Variants in ZNF704 observed in about 807,000 individuals in gnomAD.
ZNF704 encodes the protein glucocorticoid induced gene 1.
ZNF704 carries 10 observed loss-of-function variants against 44.7 expected under a neutral mutation model. The ratio of observed to expected loss-of-function variants is 0.22; its 90% CI spans 0.14 to 0.38. The LOEUF is 0.38. Ranked by LOEUF, ZNF704 falls within the 10% of genes least tolerant of loss-of-function variation. ZNF704 has a pLI of 1.00. For missense variants in ZNF704, 390 were observed against 545.5 expected, an observed-to-expected ratio of 0.71 and a Z score of 2.84; for synonymous variants, 211 against 207.6, an observed-to-expected ratio of 1.02 and a Z score of -0.14.
Position 80,641,085 on chromosome 8 carries a change from C to G in ZNF704, c.*281G>C, listed in dbSNP as rs1056575657. On this transcript the variant is annotated 3_prime_UTR_variant, in exon 9 of 9. Transcript: ENST00000327835. ...GCTACAGAAGTCCACAGTTTTAAGTCTAGACATACAGCAAAAAAAGTTGAC... is the reference window on the plus strand; with the variant it reads ...GCTACAGAAGTCCACAGTTTTAAGTGTAGACATACAGCAAAAAAAGTTGAC... 4 of 232,402 alleles carry G rather than the reference C, an allele frequency of 1.7e-5. No homozygotes were observed. Among genetic ancestry groups the G allele is most frequent in the African/African-American group, 9.0e-5 (4 of 44,426 alleles). The allele number at this position is 232,402 out of a possible 1,614,324, so 14.4% of individuals were successfully genotyped here.
chr8:80,730,742 C>T (rs866612330), intron 2 of ZNF704, among the ~76,000 whole-genome samples: 7 of 151,612 alleles, frequency 4.6e-5, no homozygotes, highest in Admixed American at 6.6e-5. Context: ...TAAACTTTGC[C>T]CTGGTTTAGT....
At chr8:80,813,565 C>G (rs1209647167) in intron 2 of ZNF704, among the ~76,000 whole-genome samples, 1 of 152,100 alleles carries the variant, frequency 6.6e-6, no homozygotes, top group Non-Finnish European at 1.5e-5. Flanking sequence ...ATAAAACAAG[C>G]TTGCCTAAGC....
At chr8:80,738,983 T>C (rs1585992382) in intron 2 of ZNF704, among the ~76,000 whole-genome samples, 1 of 151,916 alleles carries the variant, frequency 6.6e-6, no homozygotes, top group African/African-American at 2.4e-5. Flanking sequence ...GCTAGAAGGG[T>C]AGGACAAGCA....
intron 7 of ZNF704, among the ~76,000 whole-genome samples, chr8:80,649,973 G>A (rs976102222): frequency 3.3e-5 from 5 of 152,182 alleles, no homozygotes; most frequent in Admixed American, 6.5e-5. Flanking sequence ...AACTTCCAGA[G>A]GAACGATCAG....
chr8:80,836,621 T>C (rs965312071), intron 1 of ZNF704, among the ~76,000 whole-genome samples: 9 of 151,710 alleles, frequency 5.9e-5, no homozygotes, highest in African/African-American at 2.2e-4. Flanking sequence ...TACAAAAAAT[T>C]AAAAAATTAG....
chr8:80,687,280 G>C lies in ZNF704; in HGVS notation c.504C>G (p.Asp168Glu). 6.2e-7 allele frequency: 1 copy of C among 1,613,160 alleles called. No homozygotes were observed. The highest frequency in any genetic ancestry group is 1.7e-5 in the Admixed American group (1 of 60,024). The change falls in exon 4 of 9, where the codon GAC becomes GAG. Residue 168 changes from aspartate to glutamate, a missense_variant. Transcript: ENST00000327835. Reference sequence around the variant, plus strand: ...AGAGCAGGTTGCTGGCCTCCGCCTCGTCGATGCCGTCGTCTGGCTGCGCGG... The same window carrying C: ...AGAGCAGGTTGCTGGCCTCCGCCTCCTCGATGCCGTCGTCTGGCTGCGCGG... ...RSPAQPDDGI[D>E]EAEASNLLFD...
At chr8:80,805,856 C>T (rs1400448842) in intron 2 of ZNF704, among the ~76,000 whole-genome samples, 1 of 152,178 alleles carries the variant, frequency 6.6e-6, no homozygotes, top group Non-Finnish European at 1.5e-5. Flanking sequence ...TCCTGTACGT[C>T]TGCAGACAGC....
At chr8:80,832,374 C>G (rs1435140853) in intron 1 of ZNF704, among the ~76,000 whole-genome samples, 2 of 152,150 alleles carry the variant, frequency 1.3e-5, no homozygotes, top group African/African-American at 4.8e-5. Flanking sequence ...ATCATAACGG[C>G]GCATCAGAAA....
Position 80,668,572 on chromosome 8 carries a change from C to T in ZNF704, c.659+1931G>A, listed in dbSNP as rs138850431. The stretch of plus-strand genomic sequence containing the variant: ...AGGCAGGTTGAGCTGCTGCTGGCTG[C>T]CAAGTGCTGCTAATAGACACATAGG... On this transcript the variant is annotated intron_variant, in intron 5 of 8. Transcript: ENST00000327835. 7.4e-3 allele frequency among the ~76,000 whole-genome samples: 1,126 copies of T among 152,316 alleles called. 17 individuals are homozygous for T. Among genetic ancestry groups the T allele is most frequent in the Middle Eastern group, 0.024 (7 of 294 alleles).
chr8:80,851,006 T>C (rs961924935), intron 1 of ZNF704, among the ~76,000 whole-genome samples: 1 of 152,196 alleles, frequency 6.6e-6, no homozygotes, highest in Non-Finnish European at 1.5e-5. Flanking sequence ...TTTGTGATGA[T>C]AGAGTATACT....
intron 2 of ZNF704, among the ~76,000 whole-genome samples, chr8:80,818,324 CATAT>C (rs924986245): frequency 6.6e-6 from 1 of 151,844 alleles, no homozygotes; most frequent in South Asian, 2.1e-4. Context: ...GCCAAAATAT[CATAT>C]ATATATTTTT....
intron 2 of ZNF704, among the ~76,000 whole-genome samples, chr8:80,790,964 G>C (rs1807696093): frequency 6.6e-6 from 1 of 152,142 alleles, no homozygotes; most frequent in Admixed American, 6.5e-5. Context: ...TCAGGGGGCA[G>C]GGAGGGTGAA....
At chr8:80,646,734 G>A (rs1030853292) in intron 7 of ZNF704, among the ~76,000 whole-genome samples, 2 of 152,090 alleles carry the variant, frequency 1.3e-5, no homozygotes, top group East Asian at 3.9e-4. Context: ...TTTTGTACAG[G>A]ATGAATAACA....
At chr8:80,686,321 A>T (rs965016406) in intron 4 of ZNF704, among the ~76,000 whole-genome samples, 1 of 152,230 alleles carries the variant, frequency 6.6e-6, no homozygotes, top group East Asian at 1.9e-4. Flanking sequence ...AGGATTAAAC[A>T]AATGTGTAAT....
intron 2 of ZNF704, among the ~76,000 whole-genome samples, chr8:80,799,332 GA>G: frequency 6.6e-6 from 1 of 152,252 alleles, no homozygotes; most frequent in East Asian, 1.9e-4. Flanking sequence ...TAATTGAATT[GA>G]ATTTCTCTTT....
intron 2 of ZNF704, among the ~76,000 whole-genome samples, chr8:80,730,913 A>G (rs889512093): frequency 4.6e-5 from 7 of 152,234 alleles, no homozygotes; most frequent in Non-Finnish European, 1.0e-4. Context: ...AAATAGATTC[A>G]TATAATTTGA....
rs776317142 is a variant in ZNF704, at chr8:80,693,110, G to A, written c.222-3C>T. The A allele has an allele frequency of 4.3e-6, 7 of 1,613,498 alleles. No individual in the cohort carries two copies. The Admixed American group carries it at 5.0e-5, about 12-fold the overall frequency. On this transcript the variant is annotated splice_polypyrimidine_tract_variant and splice_region_variant and intron_variant, in intron 2 of 8. Transcript: ENST00000327835. ...TGTCTAGTTCCTCTGAAGATTTCCT[G>A]TAAAACAGGAAGGGACACTGGTGAC...
At chr8:80,796,077 C>T (rs1018454849) in intron 2 of ZNF704, among the ~76,000 whole-genome samples, 11 of 152,084 alleles carry the variant, frequency 7.2e-5, no homozygotes, top group Non-Finnish European at 1.3e-4. Flanking sequence ...CAAATGAAAC[C>T]GGGTGTCTTA....
At chr8:80,791,117 A>C (rs1273449391) in intron 2 of ZNF704, among the ~76,000 whole-genome samples, 4 of 152,200 alleles carry the variant, frequency 2.6e-5, no homozygotes, top group African/African-American at 4.8e-5. Flanking sequence ...CAGCTTATCA[A>C]GAGTAAGAAA....
Sources: allele counts gnomAD v4.1 joint callset (sites outside exome capture counted in the v4.1 genomes callset), GRCh38; gene constraint gnomAD v4.1.1; transcripts MANE v1.5; gene names NCBI Gene and HGNC (gene_info 2026-07-23, HGNC 2026-07-21).